Variants in SLC25A13 observed in about 807,000 individuals in gnomAD.
The protein encoded by SLC25A13 is electrogenic aspartate/glutamate antiporter SLC25A13, mitochondrial.
A neutral mutation model predicts 85.5 loss-of-function variants in SLC25A13; 70 were observed. The observed-to-expected ratio is 0.82, with a 90% confidence interval of 0.68 to 1.00. The LOEUF is 1.00. Among genes scored for constraint, SLC25A13 ranks in the 50% least tolerant of loss-of-function variants. SLC25A13 has a pLI of 0.00. For synonymous variants in SLC25A13, 259 were observed against 288.7 expected (o/e 0.90, Z 1.04); for missense variants, 765 against 819.8 (o/e 0.93, Z 0.82).
rs1562773432 is a variant in SLC25A13, at chr7:96,121,136, A to ATGC, written c.*54_*55insGCA. On this transcript the variant is annotated 3_prime_UTR_variant, in exon 18 of 18. Coordinates refer to ENST00000265631, the MANE Select transcript of SLC25A13 (RefSeq NM_014251.3). Reference sequence around the variant, plus strand: ...AAGCATTGCTTCATTCCCAGGAGGGATGTTCTTTACTGCAGTACCCACAAA... The same window carrying ATGC: ...AAGCATTGCTTCATTCCCAGGAGGGATGCTGTTCTTTACTGCAGTACCCACAAA... The ATGC allele has an allele frequency of 6.4e-7, 1 of 1,570,452 alleles. No homozygotes were observed. Among genetic ancestry groups the ATGC allele is most frequent in the East Asian group, 2.2e-5 (1 of 44,664 alleles).
chr7:96,198,303 T>A (rs1795136907), intron 5 of SLC25A13, among the ~76,000 whole-genome samples: 2 of 152,156 alleles, frequency 1.3e-5, no homozygotes, highest in African/African-American at 4.8e-5. Context: ...TAAAAAACAG[T>A]GGCTTTGATT....
At chr7:96,260,249 G>A (rs1332262257) in intron 3 of SLC25A13, among the ~76,000 whole-genome samples, 1 of 151,890 alleles carries the variant, frequency 6.6e-6, no homozygotes, top group Admixed American at 6.6e-5. Context: ...CTGATTCCAG[G>A]TTCAGGGCAG....
rs1318511597 is a variant in SLC25A13, at chr7:96,121,356, T to A, written c.1863A>T (p.Pro621=). ...FGGVKPMGSE[P]VPKSRINLPA... ...GCAGGTTGATCCTGGATTTAGGAAC[T>A]GGCTCTGATCCCATGGGTTTTCTAA... The change falls in exon 18 of 18, where the codon CCA becomes CCT. Residue 621 remains proline, a synonymous_variant. Coordinates refer to ENST00000265631, the MANE Select transcript of SLC25A13 (RefSeq NM_014251.3). 6.2e-7 allele frequency: 1 copy of A among 1,614,190 alleles called. No individual in the cohort carries two copies. Among genetic ancestry groups the A allele is most frequent in the African/African-American group, 1.3e-5 (1 of 75,052 alleles).
chr7:96,141,015 CTTTCTT>C (rs1792535785), intron 14 of SLC25A13, among the ~76,000 whole-genome samples: 1 of 128,794 alleles, frequency 7.8e-6, no homozygotes, highest in Admixed American at 7.9e-5. Context: ...TTTCTTTTTT[CTTTCTT>C]TTTTTTTTTT....
At chr7:96,204,844 T>C (rs1039081228) in intron 5 of SLC25A13, among the ~76,000 whole-genome samples, 20 of 152,330 alleles carry the variant, frequency 1.3e-4, no homozygotes, top group African/African-American at 4.8e-4. Context: ...CTGAATTGGA[T>C]GGTTTGCCCG....
At chr7:96,300,475 AT>A (rs1712459250) in intron 1 of SLC25A13, among the ~76,000 whole-genome samples, 1 of 152,214 alleles carries the variant, frequency 6.6e-6, no homozygotes, top group Non-Finnish European at 1.5e-5. Context: ...AATGGTATCT[AT>A]TACTATTTGT....
intron 1 of SLC25A13, among the ~76,000 whole-genome samples, chr7:96,300,748 C>T (rs993693470): frequency 6.6e-6 from 1 of 152,182 alleles, no homozygotes; most frequent in African/African-American, 2.4e-5. Flanking sequence ...CTGAGGCCCA[C>T]TAAAATTTGG....
chr7:96,164,758 A>G (rs904588945), intron 13 of SLC25A13, among the ~76,000 whole-genome samples: 5 of 151,600 alleles, frequency 3.3e-5, no homozygotes, highest in Non-Finnish European at 5.9e-5. Context: ...AAGAAGCAGC[A>G]GCATCCCTGT....
rs891081008 is a variant in SLC25A13, at chr7:96,176,650, G to A, written c.1178-5126C>T. On this transcript the variant is annotated intron_variant, in intron 11 of 17. Coordinates refer to ENST00000265631, the MANE Select transcript of SLC25A13 (RefSeq NM_014251.3). ...GTGTGGGGACCAAGCCCAGATCAGGGGTCTCCAACTCAAGCTTCACAGGAC... is the reference window on the plus strand; with the variant it reads ...GTGTGGGGACCAAGCCCAGATCAGGAGTCTCCAACTCAAGCTTCACAGGAC... Among the ~76,000 whole-genome samples, 18 of 152,114 alleles carry A rather than the reference G, an allele frequency of 1.2e-4. 1 individual carries two copies. Among genetic ancestry groups the A allele is most frequent in the African/African-American group, 3.4e-4 (14 of 41,412 alleles).
intron 2 of SLC25A13, among the ~76,000 whole-genome samples, chr7:96,290,754 T>C (rs1215660091): frequency 6.6e-6 from 1 of 152,154 alleles, no homozygotes; most frequent in African/African-American, 2.4e-5. Context: ...ATGCACCCAA[T>C]ACAGGAGCAC....
intron 3 of SLC25A13, among the ~76,000 whole-genome samples, chr7:96,261,617 T>C (rs981472204): frequency 1.3e-5 from 2 of 152,208 alleles, no homozygotes; most frequent in African/African-American, 4.8e-5. Flanking sequence ...TGAATCTCAC[T>C]GTATTTACTA....
intron 14 of SLC25A13, among the ~76,000 whole-genome samples, chr7:96,135,582 G>A (rs1303626657): frequency 6.6e-6 from 1 of 152,178 alleles, no homozygotes; most frequent in African/African-American, 2.4e-5. Flanking sequence ...TCACTTTGTG[G>A]TGAACACCCA....
chr7:96,146,747 G>A (rs1421428971), intron 13 of SLC25A13, 51 bp from the exon 14 acceptor site: 1 of 1,594,280 alleles, frequency 6.3e-7, no homozygotes, highest in Admixed American at 1.7e-5. Flanking sequence ...TGGTAAGGTG[G>A]GTCAGGAAGA....
At chr7:96,163,820 A>G (rs2116550695) in intron 13 of SLC25A13, among the ~76,000 whole-genome samples, 1 of 152,296 alleles carries the variant, frequency 6.6e-6, no homozygotes, top group Non-Finnish European at 1.5e-5. Flanking sequence ...AGCCATATCC[A>G]AACTCCAATA....
chr7:96,154,795 C>CTTTTTT (rs199642402), intron 13 of SLC25A13, among the ~76,000 whole-genome samples: 1 of 122,328 alleles, frequency 8.2e-6, no homozygotes. Flanking sequence ...ATTTCAGCAT[C>CTTTTTT]TTTTTCTTTT....
chr7:96,201,662 T>C (rs1208709172), intron 5 of SLC25A13, among the ~76,000 whole-genome samples: 1 of 152,192 alleles, frequency 6.6e-6, no homozygotes, highest in Non-Finnish European at 1.5e-5. Context: ...TGTAAAGAAT[T>C]ACGGCTTCAG....
At chr7:96,251,599 TG>T (rs1797430548) in intron 3 of SLC25A13, among the ~76,000 whole-genome samples, 1 of 152,152 alleles carries the variant, frequency 6.6e-6, no homozygotes, top group Admixed American at 6.6e-5. Flanking sequence ...AATCACTCAG[TG>T]GGAATGATTC....
chr7:96,258,600 G>T (rs1797729430), intron 3 of SLC25A13, among the ~76,000 whole-genome samples: 1 of 152,154 alleles, frequency 6.6e-6, no homozygotes, highest in Non-Finnish European at 1.5e-5. Flanking sequence ...CCATGCCCAT[G>T]GATAGGAAGA....
intron 13 of SLC25A13, chr7:96,169,839 T>C: frequency 1.7e-6 from 1 of 598,150 alleles, no homozygotes; most frequent in Non-Finnish European, 3.0e-6. Flanking sequence ...CAGGCATGAC[T>C]TAACAGGCAG....
Sources: allele counts gnomAD v4.1 joint callset (sites outside exome capture counted in the v4.1 genomes callset), GRCh38; gene constraint gnomAD v4.1.1; transcripts MANE v1.5; gene names NCBI Gene and HGNC (gene_info 2026-07-23, HGNC 2026-07-21).